Variants in CPEB3 observed in about 807,000 individuals in gnomAD.
CPEB3 encodes cytoplasmic polyadenylation element-binding protein 3.
In CPEB3, 20 loss-of-function variants were observed where a neutral mutation model predicts 67.2. That is an observed-to-expected ratio of 0.30 (90% confidence interval 0.21 to 0.43). The LOEUF (loss-of-function observed/expected upper bound fraction) is 0.43, where lower values mean the gene tolerates loss of function less well. Ranked by LOEUF, CPEB3 falls within the 20% of genes least tolerant of loss-of-function variation. The probability of loss-of-function intolerance (pLI) is 1.00; values close to 1 mark genes in which losing one functional copy is unlikely to be tolerated. For synonymous variants in CPEB3, 376 were observed against 393.1 expected, an observed-to-expected ratio of 0.96 and a Z score of 0.51; for missense variants, 746 against 968.6, an observed-to-expected ratio of 0.77 and a Z score of 3.05.
At chr10:92,149,341 T>G (rs1430905030) in intron 4 of CPEB3, among the ~76,000 whole-genome samples, 1 of 152,212 alleles carries the variant, frequency 6.6e-6, no homozygotes, top group Non-Finnish European at 1.5e-5. Context: ...TACCATAACT[T>G]CTATTACTTC....
At chr10:92,213,569 A>C (rs1850198786) in intron 2 of CPEB3, among the ~76,000 whole-genome samples, 1 of 152,230 alleles carries the variant, frequency 6.6e-6, no homozygotes, top group Admixed American at 6.5e-5. Flanking sequence ...TAATATATCA[A>C]TTTCATTGAA....
At chr10:92,114,327 G>A (rs773887951) in intron 6 of CPEB3, among the ~76,000 whole-genome samples, 5 of 152,148 alleles carry the variant, frequency 3.3e-5, no homozygotes, top group Non-Finnish European at 7.3e-5. Context: ...AGAATCTTTC[G>A]AACATATTTC....
intron 3 of CPEB3, among the ~76,000 whole-genome samples, chr10:92,192,101 G>A (rs926176861): frequency 1.2e-4 from 18 of 152,110 alleles, no homozygotes; most frequent in African/African-American, 4.3e-4. Flanking sequence ...TTTGAAGACT[G>A]CTTTACTAAC....
At chr10:92,168,457 T>C (rs1409607446) in intron 4 of CPEB3, among the ~76,000 whole-genome samples, 1 of 152,114 alleles carries the variant, frequency 6.6e-6, no homozygotes, top group Admixed American at 6.5e-5. Flanking sequence ...TTTTTCAAAC[T>C]TCTTTCTAAA....
intron 8 of CPEB3, among the ~76,000 whole-genome samples, chr10:92,090,985 G>C (rs1243854116): frequency 1.3e-5 from 2 of 152,194 alleles, no homozygotes; most frequent in African/African-American, 4.8e-5. Context: ...TTTAGGTGTA[G>C]GCTGGAGTTG....
Position 92,239,274 on chromosome 10 carries a change from G to A in CPEB3, c.1005+72C>T. 6.7e-7 allele frequency: 1 copy of A among 1,498,970 alleles called. No individual in the cohort carries two copies. The highest frequency in any genetic ancestry group is 9.1e-7 in the Non-Finnish European group (1 of 1,102,618). The allele number at this position is 1,498,970 out of a possible 1,614,324, so 92.9% of individuals were successfully genotyped here. On this transcript the variant is annotated intron_variant, in intron 2 of 9. Transcript: ENST00000265997. The surrounding 1 kb of genome is among the most constrained non-coding windows in gnomAD (Gnocchi z 6.0). ...CCTTTTTAAATATAAGCGGGTGGAT[G>A]ATTAAAAGTCAGAGAAGTGGCAAAA...
chr10:92,047,031 C>T lies in CPEB3; in HGVS notation c.*5181G>A, dbSNP rs548487943. On this transcript the variant is annotated 3_prime_UTR_variant, in exon 10 of 10. Coordinates refer to ENST00000265997, the MANE Select transcript of CPEB3 (RefSeq NM_014912.5). ...TACAAATACCTAATACTTTATACCC[C>T]AACAGAACTATATCCAGGAAAGAAA... is the stretch of plus-strand genomic sequence containing the variant. 6 of 152,274 alleles carry T rather than the reference C, an allele frequency of 3.9e-5. No individual in the cohort carries two copies. In the South Asian group the frequency reaches 1.2e-3, roughly 32 times the overall value. The allele number at this position is 152,274 out of a possible 1,614,324, so 9.4% of individuals were successfully genotyped here. A position where few individuals can be genotyped will look rare whatever the true frequency, so the allele number is the denominator to read the frequency against.
intron 6 of CPEB3, among the ~76,000 whole-genome samples, 175 bp downstream of exon 6, chr10:92,142,854 G>A (rs922866248): frequency 6.6e-6 from 1 of 152,154 alleles, no homozygotes; most frequent in Non-Finnish European, 1.5e-5. Context: ...TGTGCTTCAG[G>A]GGAAGAGTCT....
intron 3 of CPEB3, among the ~76,000 whole-genome samples, chr10:92,185,904 T>C (rs905974563): frequency 7.2e-5 from 11 of 152,234 alleles, no homozygotes; most frequent in Admixed American, 5.2e-4. Context: ...ACTTTGATAC[T>C]AAAATATTCT....
At chr10:92,073,655 C>T (rs1007795663) in intron 9 of CPEB3, among the ~76,000 whole-genome samples, 9 of 152,006 alleles carry the variant, frequency 5.9e-5, no homozygotes, top group African/African-American at 1.9e-4. Flanking sequence ...GTTATGTTGC[C>T]CAGGCTGGTC....
intron 6 of CPEB3, chr10:92,119,020 C>T: frequency 1.9e-6 from 3 of 1,551,978 alleles, no homozygotes; most frequent in South Asian, 2.2e-5. Flanking sequence ...CACTCGTCTT[C>T]CCTCTCATGT....
intron 2 of CPEB3, among the ~76,000 whole-genome samples, chr10:92,205,641 T>C (rs1299879738): frequency 6.6e-6 from 1 of 151,934 alleles, no homozygotes; most frequent in Non-Finnish European, 1.5e-5. Flanking sequence ...GATGCCCAGC[T>C]AATTTTTGTA....
At chr10:92,115,454 G>A (rs2133542534) in intron 6 of CPEB3, among the ~76,000 whole-genome samples, 1 of 152,342 alleles carries the variant, frequency 6.6e-6, no homozygotes, top group Non-Finnish European at 1.5e-5. Context: ...ACCTGGCCGG[G>A]ACTTAGATTT....
intron 9 of CPEB3, among the ~76,000 whole-genome samples, chr10:92,058,592 C>CATACATACAT (rs534976355): frequency 1.4e-4 from 20 of 140,388 alleles, no homozygotes; most frequent in East Asian, 6.1e-4. Context: ...TACATACATA[C>CATACATACAT]ATATATATAT....
chr10:92,235,455 A>G (rs968608563), intron 2 of CPEB3, among the ~76,000 whole-genome samples: 1 of 152,128 alleles, frequency 6.6e-6, no homozygotes, highest in South Asian at 2.1e-4. Context: ...AAAAAAAAAA[A>G]AATCAGTAAT....
At chr10:92,189,486 A>G (rs1296204157) in intron 3 of CPEB3, among the ~76,000 whole-genome samples, 3 of 152,170 alleles carry the variant, frequency 2.0e-5, no homozygotes, top group Non-Finnish European at 2.9e-5. Context: ...ATTTATTTTA[A>G]CAATAAGAAC....
rs1233640329 is a variant in CPEB3, at chr10:92,050,931, T to C, written c.*1281A>G. The C allele has an allele frequency of 2.0e-5, 3 of 152,812 alleles. No homozygotes were observed. In the East Asian group the frequency reaches 5.8e-4, roughly 29 times the overall value. 9.5% of individuals were successfully genotyped at this position (152,812 alleles called of 1,614,324 possible). A position where few individuals can be genotyped will look rare whatever the true frequency, so the allele number is the denominator to read the frequency against. On this transcript the variant is annotated 3_prime_UTR_variant, in exon 10 of 10. Transcript: ENST00000265997. ...AGCTCATGTGTTAGTTTATAATATA[T>C]CAGTTATGAACTGTCAAGTTCATTA...
chr10:92,138,391 AG>A (rs1846217223), intron 6 of CPEB3: 1 of 177,568 alleles, frequency 5.6e-6, no homozygotes, highest in Admixed American at 5.7e-5. Flanking sequence ...CCTGCTACCT[AG>A]CCCCAGCCAG....
chr10:92,201,489 C>A (rs1849522018), intron 2 of CPEB3, among the ~76,000 whole-genome samples: 1 of 152,158 alleles, frequency 6.6e-6, no homozygotes, highest in Non-Finnish European at 1.5e-5. Flanking sequence ...GGTGGTGCCA[C>A]CGCACTCCAG....
Sources: gnomAD v4.1 joint callset for allele counts (sites outside exome capture counted in the v4.1 genomes callset) on GRCh38, gnomAD v4.1.1 for gene constraint, Gnocchi (gnomAD v3.1) non-coding constraint, MANE v1.5 for transcripts, NCBI Gene and HGNC (gene_info 2026-07-23, HGNC 2026-07-21) for gene names.